The following CFAP251 variants were observed in gnomAD, a reference collection of about 807,000 sequenced individuals.
The protein encoded by CFAP251 is cilia and flagella associated protein 251.
CFAP251 carries 93 observed loss-of-function variants against 126.7 expected under a neutral mutation model. The observed-to-expected ratio is 0.73, with a 90% CI of 0.62 to 0.87. The LOEUF is 0.87. Among genes scored for constraint, CFAP251 ranks in the 40% least tolerant of loss-of-function variants. CFAP251 has a pLI of 0.00. For synonymous variants in CFAP251, 503 were observed against 506.9 expected, an observed-to-expected ratio of 0.99 and a Z score of 0.10; for missense variants, 1,287 against 1,389.2, an observed-to-expected ratio of 0.93 and a Z score of 1.17.
rs1354320737 is a variant in CFAP251 at position 121,974,195 on chromosome 12, TTC to T, written c.2772-1041_2772-1040del. ...GAAACCTGATTCACTTGGTCTCTCA[TTC>T]TCTCTCTTGCCACTGCCATGTGAGA... On this transcript the variant is annotated intron_variant, in intron 17 of 21. Coordinates refer to ENST00000288912, the MANE Select transcript of CFAP251 (RefSeq NM_144668.6). The surrounding 1 kb of genome is among the most constrained non-coding windows in gnomAD (Gnocchi z 4.6). Among the ~76,000 whole-genome samples, 1 of 152,148 alleles carries T rather than the reference TTC, an allele frequency of 6.6e-6. No individual in the cohort carries two copies. The highest frequency in any genetic ancestry group is 1.5e-5 in the Non-Finnish European group (1 of 68,032).
intron 19 of CFAP251, among the ~76,000 whole-genome samples, chr12:121,980,924 G>A (rs1414827016): frequency 6.6e-6 from 1 of 152,136 alleles, no homozygotes; most frequent in Non-Finnish European, 1.5e-5. Context: ...TGGTCTGAAC[G>A]CCGGAGTCTG....
At chr12:121,934,174 G>A (rs1057432639) in intron 4 of CFAP251, 73 bp from the exon 5 acceptor site, 30 of 1,161,542 alleles carry the variant, frequency 2.6e-5, no homozygotes, top group Middle Eastern at 2.0e-4. Flanking sequence ...GTGGGTCCCC[G>A]GCCTTTGCTG....
At chr12:121,956,248 A>G (rs1881723788) in intron 10 of CFAP251, among the ~76,000 whole-genome samples, 1 of 152,160 alleles carries the variant, frequency 6.6e-6, no homozygotes, top group South Asian at 2.1e-4. Context: ...GCATGATTTC[A>G]GAGGGCTGGT....
intron 9 of CFAP251, chr12:121,952,797 G>A (rs1286081814): frequency 6.6e-6 from 1 of 152,056 alleles, no homozygotes; most frequent in South Asian, 2.1e-4. Flanking sequence ...AGATGGATGG[G>A]CACAATGAGA....
chr12:121,935,662 T>C (rs1049745493), intron 5 of CFAP251, among the ~76,000 whole-genome samples: 4 of 152,184 alleles, frequency 2.6e-5, no homozygotes, highest in Non-Finnish European at 5.9e-5. Context: ...CACACTCTGG[T>C]GTCTAAGAAA....
At chr12:121,928,632 ATATACGTATATATATATATATATACG>A (rs1209500077) in intron 3 of CFAP251, among the ~76,000 whole-genome samples, 48 of 21,636 alleles carry the variant, frequency 2.2e-3, no homozygotes, top group African/African-American at 5.2e-3. Context: ...ATGTGTATAT[ATATACGTATATATATATATATATACG>A]TATATATATA....
At chr12:121,978,975 C>T (rs1882550199) in intron 19 of CFAP251, among the ~76,000 whole-genome samples, 1 of 152,162 alleles carries the variant, frequency 6.6e-6, no homozygotes, top group Non-Finnish European at 1.5e-5. Flanking sequence ...ATTTTACGTG[C>T]CCATCTTCAG....
At chr12:121,971,884 A>G in intron 17 of CFAP251, 1 of 416,506 alleles carries the variant, frequency 2.4e-6, no homozygotes, top group South Asian at 2.3e-5. Context: ...GGTTTCCCCC[A>G]TGTTGTTCTC....
chr12:121,939,389 A>T (rs745518625), intron 5 of CFAP251, among the ~76,000 whole-genome samples: 12 of 151,984 alleles, frequency 7.9e-5, no homozygotes, highest in Non-Finnish European at 1.0e-4. Context: ...CAACTTAACC[A>T]CAAGGGAAGG....
chr12:121,935,518 A>G (rs1462017859), intron 5 of CFAP251, among the ~76,000 whole-genome samples: 1 of 152,220 alleles, frequency 6.6e-6, no homozygotes, highest in Non-Finnish European at 1.5e-5. Context: ...CTGCACGGCT[A>G]TGGCCGTTTC....
intron 21 of CFAP251, chr12:122,001,902 G>A: frequency 5.1e-6 from 2 of 388,368 alleles, no homozygotes; most frequent in South Asian, 5.2e-5. Context: ...CAGTTTGACA[G>A]CTGTTTCAGG....
intron 19 of CFAP251, among the ~76,000 whole-genome samples, chr12:121,978,296 A>C (rs935850839): frequency 4.1e-5 from 6 of 145,954 alleles, no homozygotes; most frequent in Non-Finnish European, 6.0e-5. Context: ...CAGGAGGCTG[A>C]GGCAGGAGAA....
At position 121,975,635 on chromosome 12, in the gene CFAP251, G is replaced by T. The variant is rs774172726; in HGVS notation, c.2956G>T (p.Glu986Ter). The T allele has an allele frequency of 6.3e-7, 1 of 1,598,926 alleles. No individual in the cohort carries two copies. The highest frequency in any genetic ancestry group is 1.4e-5 in the African/African-American group (1 of 73,926). The change falls in exon 19 of 22, where the codon GAG becomes TAG. Residue 986 changes from glutamate to a stop codon, truncating the protein, a stop_gained. Coordinates refer to ENST00000288912, the MANE Select transcript of CFAP251 (RefSeq NM_144668.6). LOFTEE classifies it high-confidence loss of function. ...GGTGTCAGAACACATTTGCCTGTCA[G>T]AGCTTCCTTTTGTCATGAGAGCAAT... ...RKVSEHICLS[E>*]LPFVMRAIGF...
Position 121,934,314 on chromosome 12 carries a change from A to G in CFAP251, c.956A>G (p.Lys319Arg), listed in dbSNP as rs1384570320. The change falls in exon 5 of 22, where the codon AAA becomes AGA. Residue 319 changes from lysine (K) to arginine (R), a missense_variant. Transcript: ENST00000288912. ...EDRRWIATAD[K>R]GPDCLVIIWD... ...AGGCGGTGGATCGCCACAGCAGACAAAGGGCCAGACTGCCTGGTGATTATA... is the reference window on the plus strand; with the variant it reads ...AGGCGGTGGATCGCCACAGCAGACAGAGGGCCAGACTGCCTGGTGATTATA... The G allele has an allele frequency of 6.2e-7, 1 of 1,613,950 alleles. No homozygotes were observed. Among genetic ancestry groups the G allele is most frequent in the African/African-American group, 1.3e-5 (1 of 74,924 alleles).
rs762957166 is a variant in CFAP251, at chr12:121,921,492, G to GAGGAGGAGGAGAA, written c.196_197insAGAAAGGAGGAGG (p.Gly66GlufsTer17). ...GAGGAAAACGGGCGAGGAGGAAGGG[G>GAGGAGGAGGAGAA]AGGAGGAGGGGAAGGAGGACAAAAA... On this transcript the variant is annotated frameshift_variant, in exon 2 of 22. Transcript: ENST00000288912. LOFTEE classifies it high-confidence loss of function. 1.6e-5 allele frequency: 23 copies of GAGGAGGAGGAGAA among 1,463,618 alleles called. No homozygotes were observed. The highest frequency in any genetic ancestry group is 2.1e-5 in the Non-Finnish European group (23 of 1,112,758). 90.7% of individuals were successfully genotyped at this position (1,463,618 alleles called of 1,614,324 possible).
At chr12:122,003,205 C>CA (rs929663107) in intron 21 of CFAP251, among the ~76,000 whole-genome samples, 3 of 152,122 alleles carry the variant, frequency 2.0e-5, no homozygotes, top group Non-Finnish European at 2.9e-5. Flanking sequence ...GAATCAAAGC[C>CA]AAATCACAGC....
Position 121,951,176 on chromosome 12 carries a change from G to A in CFAP251, c.1270-304G>A, listed in dbSNP as rs137884031. ...GCGGAGTTTGCCGTGAGCTGAGATC[G>A]CGCCACTGCACTCCAGGCTGGGCGA... On this transcript the variant is annotated intron_variant, in intron 8 of 21. Transcript: ENST00000288912. 1,240 of 194,750 alleles carry A rather than the reference G, an allele frequency of 6.4e-3. 15 individuals are homozygous for A. The highest frequency in any genetic ancestry group is 0.027 in the African/African-American group (1,169 of 43,082). The allele number at this position is 194,750 out of a possible 1,614,324, so 12.1% of individuals were successfully genotyped here.
intron 3 of CFAP251, among the ~76,000 whole-genome samples, chr12:121,929,481 C>T (rs1009935451): frequency 1.3e-5 from 2 of 152,046 alleles, no homozygotes; most frequent in African/African-American, 4.8e-5. Context: ...TGAGCCAATA[C>T]TGGTACCTTA....
rs770483356 is a variant in CFAP251 at position 121,975,282 on chromosome 12, T to G, written c.2810T>G (p.Leu937Trp). Residue 937 changes from leucine to tryptophan, a missense_variant, in exon 18 of 22, where the codon TTG becomes TGG. Transcript: ENST00000288912. ...EAAVSLGGED[L>W]TPFYGLLSGG... The stretch of plus-strand genomic sequence containing the variant: ...GCGGTTTCTCTTGGGGGTGAAGACT[T>G]GACCCCATTCTATGGTCTGCTGTCT... 1 of 1,614,136 alleles carries G rather than the reference T, an allele frequency of 6.2e-7. No homozygotes were observed. The highest frequency in any genetic ancestry group is 8.5e-7 in the Non-Finnish European group (1 of 1,180,042).
Sources: allele counts gnomAD v4.1 joint callset (sites outside exome capture counted in the v4.1 genomes callset), GRCh38; gene constraint gnomAD v4.1.1; non-coding constraint Gnocchi (gnomAD v3.1); transcripts MANE v1.5; gene names NCBI Gene and HGNC (gene_info 2026-07-23, HGNC 2026-07-21).